The following PKP3 variants were observed in gnomAD, a reference collection of about 807,000 sequenced individuals.
PKP3 encodes the protein plakophilin-3.
PKP3 carries 66 observed loss-of-function variants against 76.5 expected under a neutral mutation model. The observed-to-expected ratio is 0.86, with a 90% CI of 0.71 to 1.06. PKP3 has a LOEUF of 1.06. Among genes scored for constraint, PKP3 ranks in the 50% least tolerant of loss-of-function variants. The pLI, the probability that PKP3 is intolerant of heterozygous loss-of-function variation, is 0.00. For synonymous variants in PKP3, 638 were observed against 516.5 expected (o/e 1.24, Z -3.19); for missense variants, 1,338 against 1,141.0 (o/e 1.17, Z -2.49).
chr11:396,487 C>T, intron 1 of PKP3, 121 bp from the exon 2 acceptor site: 1 of 670,212 alleles, frequency 1.5e-6, no homozygotes, highest in Middle Eastern at 4.2e-4. Flanking sequence ...CCCCTGGCCT[C>T]CCTGCCCTGG....
chr11:395,608 G>C lies in PKP3; in HGVS notation c.233-1000G>C, dbSNP rs533570230. 2.4e-4 allele frequency among the ~76,000 whole-genome samples: 36 copies of C among 152,296 alleles called. No homozygotes were observed. The South Asian group carries it at 7.0e-3, about 30-fold the overall frequency. ...CCAGGCTGGGGCGTGCCCCCACTCC[G>C]GGCTGGGCCTCACGAGCGTCAGAGG... On this transcript the variant is annotated intron_variant, in intron 1 of 12. Coordinates refer to ENST00000331563, the MANE Select transcript of PKP3 (RefSeq NM_007183.4).
Position 400,325 on chromosome 11 carries a change from G to C in PKP3, c.1449-9G>C, listed in dbSNP as rs1042533677. 1.3e-6 allele frequency: 2 copies of C among 1,544,990 alleles called. No individual in the cohort carries two copies. Among genetic ancestry groups the C allele is most frequent in the East Asian group, 2.4e-5 (1 of 40,908 alleles). On this transcript the variant is annotated splice_polypyrimidine_tract_variant and intron_variant, in intron 6 of 12. Coordinates refer to ENST00000331563, the MANE Select transcript of PKP3 (RefSeq NM_007183.4). Reference sequence around the variant, plus strand: ...TCCCTGGGGGGCTCTGATCCACCTCGGTCCCCAGGAACCTCAGCTCAGCCT... The same window carrying C: ...TCCCTGGGGGGCTCTGATCCACCTCCGTCCCCAGGAACCTCAGCTCAGCCT...
Position 400,328 on chromosome 11 carries a change from C to A in PKP3, c.1449-6C>A. On this transcript the variant is annotated splice_polypyrimidine_tract_variant and splice_region_variant and intron_variant, in intron 6 of 12. Coordinates refer to ENST00000331563, the MANE Select transcript of PKP3 (RefSeq NM_007183.4). Reference sequence around the variant, plus strand: ...CTGGGGGGCTCTGATCCACCTCGGTCCCCAGGAACCTCAGCTCAGCCTCTC... The same window carrying A: ...CTGGGGGGCTCTGATCCACCTCGGTACCCAGGAACCTCAGCTCAGCCTCTC... The A allele has an allele frequency of 5.2e-6, 8 of 1,545,218 alleles. No individual in the cohort carries two copies. Among genetic ancestry groups the A allele is most frequent in the Middle Eastern group, 1.8e-4 (1 of 5,572 alleles).
At position 398,979 on chromosome 11, in the gene PKP3, C is replaced by G. The variant is rs754094460; in HGVS notation, c.1069-13C>G. The G allele has an allele frequency of 5.5e-5, 85 of 1,549,688 alleles. No individual in the cohort carries two copies. Among genetic ancestry groups the G allele is most frequent in the Non-Finnish European group, 7.3e-5 (83 of 1,143,928 alleles). ...ACATGCGTCTGTGCACCCCCATATGCCTGTGCCCGCAGGCCCGCAGCCTTC... is the reference window on the plus strand; with the variant it reads ...ACATGCGTCTGTGCACCCCCATATGGCTGTGCCCGCAGGCCCGCAGCCTTC... On this transcript the variant is annotated splice_polypyrimidine_tract_variant and intron_variant, in intron 4 of 12. Coordinates refer to ENST00000331563, the MANE Select transcript of PKP3 (RefSeq NM_007183.4).
At position 397,120 on chromosome 11, in the gene PKP3, A is replaced by G; in HGVS notation, c.619A>G (p.Thr207Ala). The G allele has an allele frequency of 3.1e-6, 5 of 1,597,562 alleles. No individual in the cohort carries two copies. The highest frequency in any genetic ancestry group is 4.2e-6 in the Non-Finnish European group (5 of 1,179,158). Residue 207 changes from threonine to alanine, a missense_variant, in exon 3 of 13, where the codon ACC (threonine) becomes GCC (alanine). Transcript: ENST00000331563. ...GTCTGAGCAGCTGGAGCCCGCGGCCACCTCCACCTACAGGGCCTTTGCGTA... is the reference window on the plus strand; with the variant it reads ...GTCTGAGCAGCTGGAGCCCGCGGCCGCCTCCACCTACAGGGCCTTTGCGTA... ...LVSEQLEPAA[T>A]STYRAFAYER...
At chr11:398,854 C>T in intron 4 of PKP3, 138 bp from the exon 5 acceptor site, 1 of 712,762 alleles carries the variant, frequency 1.4e-6, no homozygotes, top group South Asian at 1.8e-5. Context: ...CCTACCGCCG[C>T]ACACACCTCC....
Position 397,663 on chromosome 11 carries a change from G to A in PKP3, c.1068+1G>A. 6.2e-7 allele frequency: 1 copy of A among 1,610,312 alleles called. No individual in the cohort carries two copies. ...CAGCGATGCAGCCGCCAAGAAGCAG[G>A]TGACCACCCCGACCACCCACTCGCT... On this transcript the variant is annotated splice_donor_variant, in intron 4 of 12. Coordinates refer to ENST00000331563, the MANE Select transcript of PKP3 (RefSeq NM_007183.4). LOFTEE classifies it high-confidence loss of function.
rs1034622459 is a variant in PKP3 at position 397,445 on chromosome 11, G to A, written c.944G>A (p.Gly315Asp). ...SHRTLQRLSSGFDDIDLPSAV... is the reference protein window; with the variant it reads ...SHRTLQRLSSDFDDIDLPSAV... ...CGAACCCTGCAGAGACTCAGCAGCG[G>A]GTGAGCGGCTGGGCCCGGCTCAGGG... The change falls in exon 3 of 13, where the codon GGT becomes GAT. Residue 315 changes from glycine (G) to aspartate (D), a missense_variant and splice_region_variant. By Grantham distance (94) the Gly-to-Asp change is moderately conservative. Transcript: ENST00000331563. 1 of 1,612,044 alleles carries A rather than the reference G, an allele frequency of 6.2e-7. No homozygotes were observed. The highest frequency in any genetic ancestry group is 1.3e-5 in the African/African-American group (1 of 74,876).
At position 403,939 on chromosome 11, in the gene PKP3, A is replaced by G. The variant is rs7479832; in HGVS notation, c.2078-4A>G. 1,254,752 of 1,590,562 alleles carry G rather than the reference A, an allele frequency of 0.79. 500,019 individuals are homozygous for G. The highest frequency in any genetic ancestry group is 1 in the East Asian group (44,489 of 44,516). ...GGTGCAGACTGACCCCCGGCCTCCCACAGCCACGAAGGTGGTGAGCCACCT... is the reference window on the plus strand; with the variant it reads ...GGTGCAGACTGACCCCCGGCCTCCCGCAGCCACGAAGGTGGTGAGCCACCT... On this transcript the variant is annotated splice_polypyrimidine_tract_variant and splice_region_variant and intron_variant, in intron 10 of 12. Coordinates refer to ENST00000331563, the MANE Select transcript of PKP3 (RefSeq NM_007183.4).
intron 5 of PKP3, 122 bp from the exon 6 acceptor site, chr11:399,845 G>C (rs917199987): frequency 2.5e-6 from 2 of 784,440 alleles, no homozygotes; most frequent in Non-Finnish European, 4.1e-6. Context: ...AGTGGGGCTC[G>C]TGGGTGAGGC....
chr11:397,255 C>G lies in PKP3; in HGVS notation c.754C>G (p.Gln252Glu). The G allele has an allele frequency of 1.3e-6, 2 of 1,599,576 alleles. No individual in the cohort carries two copies. The highest frequency in any genetic ancestry group is 2.2e-5 in the South Asian group (2 of 90,512). The change falls in exon 3 of 13, where the codon CAG becomes GAG. Residue 252 changes from glutamine (Q) to glutamate (E), a missense_variant. Physicochemically the swap from Gln to Glu is conservative, Grantham distance 29. Transcript: ENST00000331563. ...CCGTGCCCCTGCCGTGCGGACCCTG[C>G]AGCGATTCCAGAGCAGCCACCGGAG... Reference protein sequence around the residue: ...TIRAPAVRTLQRFQSSHRSRG... With the variant: ...TIRAPAVRTLERFQSSHRSRG...
rs1462878257 is a variant in PKP3, at chr11:400,586, G to A, written c.1618G>A (p.Asp540Asn). ...GCGGAACCTGTCCTACCGCCTCTAC[G>A]ACGAGATGCCGCCGTCCGCGCTGCA... is the stretch of plus-strand genomic sequence containing the variant. ...VLRNLSYRLY[D>N]EMPPSALQRL... The change falls in exon 8 of 13, where the codon GAC becomes AAC. Residue 540 changes from aspartate to asparagine, a missense_variant. Asp to Asn is a conservative substitution (Grantham distance 23). Transcript: ENST00000331563. The A allele has an allele frequency of 2.7e-6, 4 of 1,474,470 alleles. No individual in the cohort carries two copies. The highest frequency in any genetic ancestry group is 1.5e-5 in the African/African-American group (1 of 67,366). The allele number at this position is 1,474,470 out of a possible 1,614,324, so 91.3% of individuals were successfully genotyped here. A position where few individuals can be genotyped will look rare whatever the true frequency, so the allele number is the denominator to read the frequency against.
intron 5 of PKP3, among the ~76,000 whole-genome samples, chr11:399,618 G>A (rs1287181062): frequency 1.5e-5 from 2 of 135,506 alleles, no homozygotes; most frequent in Non-Finnish European, 3.1e-5. Flanking sequence ...CACCTCATTC[G>A]GTTCCCCTCC....
chr11:397,550 T>C lies in PKP3; in HGVS notation c.956T>C (p.Ile319Thr). 4 of 1,612,218 alleles carry C rather than the reference T, an allele frequency of 2.5e-6. No homozygotes were observed. Among genetic ancestry groups the C allele is most frequent in the East Asian group, 2.2e-5 (1 of 44,884 alleles). Residue 319 changes from isoleucine (I) to threonine (T), a missense_variant, in exon 4 of 13, where the codon ATT becomes ACT. Ile to Thr is a moderately conservative substitution (Grantham distance 89, BLOSUM62 -1). Coordinates refer to ENST00000331563, the MANE Select transcript of PKP3 (RefSeq NM_007183.4). ...LQRLSSGFDD[I>T]DLPSAVKYLM... The stretch of plus-strand genomic sequence containing the variant: ...CCCTGGCTCCGCAGTTTTGATGACA[T>C]TGACCTGCCCTCAGCAGTCAAGTAC...
rs1170422464 is a variant in PKP3, at chr11:404,284, C to T, written c.2319C>T (p.Asn773=). The T allele has an allele frequency of 5.0e-6, 8 of 1,612,668 alleles. No individual in the cohort carries two copies. In the South Asian group the frequency reaches 7.7e-5, roughly 15 times the overall value. ...GGGCAGCATCCAGCCTCCTGGCCAA[C>T]CTGTGGCAGTACAACAAGCTCCACC... The part of the protein sequence containing the change: ...SSRAASSLLA[N]LWQYNKLHRD... Residue 773 remains asparagine (N), a synonymous_variant, in exon 12 of 13, where the codon AAC becomes AAT. Transcript: ENST00000331563. This position sits in a 1 kb window ranked among gnomAD's most constrained non-coding sequence, Gnocchi z 4.2.
At chr11:403,311 T>C in intron 9 of PKP3, 48 bp downstream of exon 9, 1 of 1,380,166 alleles carries the variant, frequency 7.2e-7, no homozygotes, top group Non-Finnish European at 9.8e-7. Flanking sequence ...GTTCATGCGG[T>C]TGAGGGGGGG....
At position 403,679 on chromosome 11, in the gene PKP3, A is replaced by G. The variant is rs1425407874; in HGVS notation, c.1985A>G (p.Asp662Gly). The G allele has an allele frequency of 6.2e-7, 1 of 1,610,240 alleles. No homozygotes were observed. The highest frequency in any genetic ancestry group is 1.7e-5 in the Admixed American group (1 of 60,004). ...GAGCGTATTCTGAACCCCCTGCTAG[A>G]CCGTGTCAGGACCGCCGACCACCAC... Reference protein sequence around the residue: ...EQERILNPLLDRVRTADHHQL... With the variant: ...EQERILNPLLGRVRTADHHQL... The change falls in exon 10 of 13, where the codon GAC (aspartate) becomes GGC (glycine). Residue 662 changes from aspartate (D) to glycine (G), a missense_variant. Transcript: ENST00000331563.
chr11:403,335 AGGGAG>A, intron 9 of PKP3, 72 bp downstream of exon 9: 1 of 933,954 alleles, frequency 1.1e-6, no homozygotes, highest in Non-Finnish European at 1.6e-6. Context: ...GAGGAGGGAG[AGGGAG>A]GGGAGGAGGA....
chr11:395,467 G>T lies in PKP3; in HGVS notation c.232+943G>T, dbSNP rs187241392. On this transcript the variant is annotated intron_variant, in intron 1 of 12. Transcript: ENST00000331563. The stretch of plus-strand genomic sequence containing the variant: ...GGGCCTCAGCCTTGCTGGTGACCAA[G>T]TCGGGTGCCCAGGGGTCATGGGGTG... Among the ~76,000 whole-genome samples the T allele has an allele frequency of 1.8e-4, 28 of 152,348 alleles. No individual in the cohort carries two copies. The East Asian group carries it at 5.2e-3, about 28-fold the overall frequency.
Sources: allele counts gnomAD v4.1 joint callset (sites outside exome capture counted in the v4.1 genomes callset), GRCh38; gene constraint gnomAD v4.1.1; non-coding constraint Gnocchi (gnomAD v3.1); transcripts MANE v1.5; gene names NCBI Gene and HGNC (gene_info 2026-07-23, HGNC 2026-07-21).